The following PRAG1 variants were observed in gnomAD, a reference collection of about 807,000 sequenced individuals.
PRAG1 encodes the protein PEAK1 related, kinase-activating pseudokinase 1, also known as inactive tyrosine-protein kinase PRAG1.
Under a neutral mutation model 95.6 loss-of-function variants are expected in PRAG1, and 110 were observed. That is an observed-to-expected ratio of 1.15 (90% CI 0.99 to 1.35). The LOEUF (loss-of-function observed/expected upper bound fraction) is 1.35. Ranked by LOEUF, PRAG1 falls within the 40% of genes most tolerant of loss-of-function variation. The pLI, the probability that PRAG1 is intolerant of heterozygous loss-of-function variation, is 0.00. For missense variants in PRAG1, 2,554 were observed against 1,864.7 expected (o/e 1.37, Z -6.81); for synonymous variants, 1,052 against 819.4 (o/e 1.28, Z -4.85).
chr8:8,363,512 G>A (rs1296504919), intron 3 of PRAG1, among the ~76,000 whole-genome samples: 1 of 152,186 alleles, frequency 6.6e-6, no homozygotes, highest in Non-Finnish European at 1.5e-5. Flanking sequence ...GGTACCTAGA[G>A]TAGTCAAATT....
chr8:8,320,997 A>G (rs1563224466), intron 5 of PRAG1, among the ~76,000 whole-genome samples: 1 of 152,246 alleles, frequency 6.6e-6, no homozygotes, highest in Non-Finnish European at 1.5e-5. Context: ...AAAGACATTT[A>G]CCCCAGACAT....
intron 3 of PRAG1, among the ~76,000 whole-genome samples, chr8:8,374,095 ACAT>A (rs1326583109): frequency 1.3e-5 from 2 of 152,236 alleles, no homozygotes; most frequent in Non-Finnish European, 2.9e-5. Context: ...GCTTCTGCCT[ACAT>A]CATCACTAAC....
At chr8:8,375,208 T>TTTCTTTTG (rs1554511990) in intron 3 of PRAG1, among the ~76,000 whole-genome samples, 8 of 146,192 alleles carry the variant, frequency 5.5e-5, no homozygotes, top group African/African-American at 2.0e-4. Context: ...TTCTTTGTTT[T>TTTCTTTTG]TTTTTTTGTT....
intron 2 of PRAG1, among the ~76,000 whole-genome samples, chr8:8,380,256 C>A (rs1180690547): frequency 6.6e-6 from 1 of 151,712 alleles, no homozygotes; most frequent in African/African-American, 2.4e-5. Context: ...GCCTGAGCAA[C>A]ACTGAGACTG....
chr8:8,366,594 G>T (rs1173498306), intron 3 of PRAG1, among the ~76,000 whole-genome samples: 1 of 151,968 alleles, frequency 6.6e-6, no homozygotes, highest in East Asian at 1.9e-4. Context: ...GATTACAGAT[G>T]TAAGCCACTG....
chr8:8,362,109 T>C (rs1799863282), intron 3 of PRAG1, among the ~76,000 whole-genome samples: 1 of 152,226 alleles, frequency 6.6e-6, no homozygotes, highest in Non-Finnish European at 1.5e-5. Flanking sequence ...CCCCTGGAGC[T>C]TTCTTACACT....
At chr8:8,341,903 C>A (rs961808272) in intron 3 of PRAG1, among the ~76,000 whole-genome samples, 1 of 152,136 alleles carries the variant, frequency 6.6e-6, no homozygotes, top group Non-Finnish European at 1.5e-5. Flanking sequence ...GAGGTCAAGG[C>A]GGGCAGATCA....
chr8:8,343,325 T>C (rs1445230112), intron 3 of PRAG1, among the ~76,000 whole-genome samples: 1 of 152,136 alleles, frequency 6.6e-6, no homozygotes, highest in Non-Finnish European at 1.5e-5. Flanking sequence ...GTGATGAATC[T>C]TGTAAAGTTA....
chr8:8,323,878 G>A (rs141760350), intron 5 of PRAG1, among the ~76,000 whole-genome samples: 3 of 152,250 alleles, frequency 2.0e-5, no homozygotes, highest in African/African-American at 4.8e-5. Context: ...AAAGCGCTTC[G>A]AGTATTGATT....
Position 8,377,408 on chromosome 8 carries a change from G to GCCTC in PRAG1, c.997_1000dup (p.Ala334GlyfsTer23). 6.4e-7 allele frequency: 1 copy of GCCTC among 1,574,516 alleles called. No individual in the cohort carries two copies. Among genetic ancestry groups the GCCTC allele is most frequent in the Non-Finnish European group, 8.6e-7 (1 of 1,161,702 alleles). ...AGAGAGGCCGTCGGAAGAAATGGCAGCCTCCGAGGTGAGGGACAGTTTCTT... is the reference window on the plus strand; with the variant it reads ...AGAGAGGCCGTCGGAAGAAATGGCAGCCTCCCTCCGAGGTGAGGGACAGTTTCTT... On this transcript the variant is annotated frameshift_variant, in exon 3 of 6. Transcript: ENST00000615670. LOFTEE classifies it high-confidence loss of function.
chr8:8,345,782 G>A (rs1349328152), intron 3 of PRAG1, among the ~76,000 whole-genome samples: 1 of 152,090 alleles, frequency 6.6e-6, no homozygotes, highest in East Asian at 1.9e-4. Context: ...GTGACAGAGC[G>A]AGACTCTGTC....
rs764807560 is a variant in PRAG1, at chr8:8,376,619, G to A, written c.1790C>T (p.Pro597Leu). Reference protein sequence around the residue: ...PPSQGPADPAPSCRTNGVAIS... With the variant: ...PPSQGPADPALSCRTNGVAIS... ...AGCGACACCGTTGGTCCGGCAGGAA[G>A]GAGCGGGGTCAGCAGGACCTTGGGA... The change falls in exon 3 of 6, where the codon CCT (proline) becomes CTT (leucine). Residue 597 changes from proline to leucine, a missense_variant. Coordinates refer to ENST00000615670, the MANE Select transcript of PRAG1 (RefSeq NM_001080826.3). 3 of 1,603,626 alleles carry A rather than the reference G, an allele frequency of 1.9e-6. No individual in the cohort carries two copies. The highest frequency in any genetic ancestry group is 2.6e-6 in the Non-Finnish European group (3 of 1,174,286).
Position 8,318,428 on chromosome 8 carries a change from A to T in PRAG1, c.3947T>A (p.Ile1316Asn). 6.2e-7 allele frequency: 1 copy of T among 1,612,910 alleles called. No individual in the cohort carries two copies. Among genetic ancestry groups the T allele is most frequent in the Non-Finnish European group, 8.5e-7 (1 of 1,179,772 alleles). The change falls in exon 6 of 6, where the codon ATC (isoleucine) becomes AAC (asparagine). Residue 1316 changes from isoleucine (I) to asparagine (N), a missense_variant. Coordinates refer to ENST00000615670, the MANE Select transcript of PRAG1 (RefSeq NM_001080826.3). The surrounding 1 kb of genome is among the most constrained non-coding windows in gnomAD (Gnocchi z 4.2). ...LLLEADPIKR[I>N]RIGEAKRVLQ... Reference sequence around the variant, plus strand: ...CACGCGCTTGGCCTCGCCGATGCGGATACGCTTGATGGGGTCGGCCTCCAG... The same window carrying T: ...CACGCGCTTGGCCTCGCCGATGCGGTTACGCTTGATGGGGTCGGCCTCCAG...
At position 8,371,131 on chromosome 8, in the gene PRAG1, CAAA is replaced by C. The variant is rs549978543; in HGVS notation, c.2162+5113_2162+5115del. On this transcript the variant is annotated intron_variant, in intron 3 of 5. Transcript: ENST00000615670. Reference sequence around the variant, plus strand: ...AGCCTGAGCGACAGAGATTCTGTCTCAAAAAAAAAAAAAAAAAAAAGAGTGAGC... The same window carrying C: ...AGCCTGAGCGACAGAGATTCTGTCTCAAAAAAAAAAAAAAAAAGAGTGAGC... Among the ~76,000 whole-genome samples the C allele has an allele frequency of 8.5e-3, 691 of 81,544 alleles. 6 individuals carry two copies. Among genetic ancestry groups the C allele is most frequent in the African/African-American group, 0.024 (636 of 26,554 alleles). The allele number at this position is 81,544 out of a possible 152,430, so 53.5% of individuals were successfully genotyped here.
chr8:8,332,257 G>T (rs1485218063), intron 4 of PRAG1, among the ~76,000 whole-genome samples: 1 of 151,628 alleles, frequency 6.6e-6, no homozygotes, highest in African/African-American at 2.4e-5. Flanking sequence ...TGCCTCCTGG[G>T]TTCAAGTGAT....
intron 5 of PRAG1, among the ~76,000 whole-genome samples, chr8:8,324,907 G>A (rs952462817): frequency 3.3e-5 from 5 of 152,010 alleles, no homozygotes; most frequent in Non-Finnish European, 7.4e-5. Context: ...GGAGCTACAA[G>A]AACCAGCTTT....
chr8:8,384,526 C>G (rs1210232086), intron 1 of PRAG1, among the ~76,000 whole-genome samples: 1 of 146,586 alleles, frequency 6.8e-6, no homozygotes, highest in Non-Finnish European at 1.5e-5. Flanking sequence ...AAGCCCTGGG[C>G]TTCCCACTGT....
At chr8:8,339,116 G>GAGAGAA (rs1799084182) in intron 4 of PRAG1, among the ~76,000 whole-genome samples, 2 of 152,054 alleles carry the variant, frequency 1.3e-5, no homozygotes, top group Non-Finnish European at 2.9e-5. Flanking sequence ...GAGAGAGAGA[G>GAGAGAA]AGAGAAAGAG....
At chr8:8,380,248 C>G (rs1445946926) in intron 2 of PRAG1, among the ~76,000 whole-genome samples, 1 of 151,774 alleles carries the variant, frequency 6.6e-6, no homozygotes, top group African/African-American at 2.4e-5. Context: ...GCACTCCAGC[C>G]TGAGCAACAC....
Sources: allele counts gnomAD v4.1 joint callset (sites outside exome capture counted in the v4.1 genomes callset), GRCh38; gene constraint gnomAD v4.1.1; non-coding constraint Gnocchi (gnomAD v3.1); transcripts MANE v1.5; gene names NCBI Gene and HGNC (gene_info 2026-07-23, HGNC 2026-07-21).